FBLIM1: variants seen among roughly 807,000 people sequenced by gnomAD.
FBLIM1 encodes filamin-binding LIM protein 1.
A neutral mutation model predicts 37.4 loss-of-function variants in FBLIM1; 29 were observed. The observed-to-expected ratio is 0.77, with a 90% CI of 0.58 to 1.06. The LOEUF (loss-of-function observed/expected upper bound fraction) is 1.06. Among genes scored for constraint, FBLIM1 ranks in the 50% least tolerant of loss-of-function variants. FBLIM1 has a pLI of 0.00. For missense variants in FBLIM1, 449 were observed against 505.6 expected, an observed-to-expected ratio of 0.89 and a Z score of 1.07; for synonymous variants, 193 against 199.0, an observed-to-expected ratio of 0.97 and a Z score of 0.25.
Position 15,777,168 on chromosome 1 carries a change from A to G in FBLIM1, c.891-2A>G, listed in dbSNP as rs752856125. On this transcript the variant is annotated splice_acceptor_variant, in intron 7 of 8. Coordinates refer to ENST00000375766, the MANE Select transcript of FBLIM1 (RefSeq NM_017556.4). LOFTEE classifies it high-confidence loss of function. ...CCCAAGCATGGGTTCCTTTGCTTCT[A>G]GGAAATTCGCCCCCGTCTGCAGCAT... is the stretch of plus-strand genomic sequence containing the variant. 1 of 1,597,634 alleles carries G rather than the reference A, an allele frequency of 6.3e-7. No individual in the cohort carries two copies. The highest frequency in any genetic ancestry group is 8.6e-7 in the Non-Finnish European group (1 of 1,167,830).
At position 15,786,419 on chromosome 1, in the gene FBLIM1, T is replaced by C. The variant is rs951045893; in HGVS notation, c.*1758T>C. ...TCACAGACCACCTCCACAATTGTTA[T>C]AACCAAAGGCCTCCTGTTCTGTTAT... is the stretch of plus-strand genomic sequence containing the variant. On this transcript the variant is annotated 3_prime_UTR_variant, in exon 9 of 9. Coordinates refer to ENST00000375766, the MANE Select transcript of FBLIM1 (RefSeq NM_017556.4). 3 of 152,250 alleles carry C rather than the reference T, an allele frequency of 2.0e-5. No individual in the cohort carries two copies. The highest frequency in any genetic ancestry group is 3.8e-4 in the East Asian group (2 of 5,202). 9.4% of individuals were successfully genotyped at this position (152,250 alleles called of 1,614,324 possible).
intron 8 of FBLIM1, among the ~76,000 whole-genome samples, chr1:15,783,565 C>T (rs1275466348): frequency 2.1e-5 from 3 of 140,306 alleles, no homozygotes; most frequent in East Asian, 4.1e-4. Context: ...GTAGAACTTA[C>T]GTTCTTTTTT....
intron 8 of FBLIM1, among the ~76,000 whole-genome samples, chr1:15,782,138 G>A (rs1367811257): frequency 6.6e-6 from 1 of 152,016 alleles, no homozygotes; most frequent in African/African-American, 2.4e-5. Context: ...CTGGTGGGGT[G>A]TGGTGGCTCA....
chr1:15,773,919 G>T (rs1194453814), intron 6 of FBLIM1, among the ~76,000 whole-genome samples: 3 of 152,050 alleles, frequency 2.0e-5, no homozygotes. Context: ...AACGTGGGTT[G>T]ATCACTTGAG....
intron 2 of FBLIM1, 73 bp downstream of exon 2, chr1:15,764,758 C>T: frequency 1.6e-6 from 1 of 626,096 alleles, no homozygotes; most frequent in Non-Finnish European, 2.7e-6. Context: ...GGGTCTCACC[C>T]CTGTGGCCAA....
intron 1 of FBLIM1, among the ~76,000 whole-genome samples, chr1:15,760,939 T>C (rs1037706696): frequency 6.6e-6 from 1 of 152,096 alleles, no homozygotes; most frequent in African/African-American, 2.4e-5. Flanking sequence ...GGGCTCCCTC[T>C]CCCGATGGGA....
intron 8 of FBLIM1, among the ~76,000 whole-genome samples, chr1:15,782,630 G>A (rs2069672004): frequency 6.6e-6 from 1 of 152,010 alleles, no homozygotes; most frequent in Non-Finnish European, 1.5e-5. Context: ...CCAAACAGGT[G>A]GCACAGATGG....
intron 4 of FBLIM1, 55 bp from the exon 5 acceptor site, chr1:15,768,473 G>A: frequency 8.0e-7 from 1 of 1,252,818 alleles, no homozygotes; most frequent in African/African-American, 1.5e-5. Flanking sequence ...GAGGAACAGA[G>A]CTGGGAGGGC....
chr1:15,783,079 C>T (rs570414225), intron 8 of FBLIM1, among the ~76,000 whole-genome samples: 5 of 152,132 alleles, frequency 3.3e-5, no homozygotes, highest in Non-Finnish European at 7.4e-5. Context: ...CAGGCGTGAG[C>T]CACTGCGCCT....
chr1:15,767,576 C>G lies in FBLIM1; in HGVS notation c.438+13C>G. ...GCCCCCACCACAGGTACTGCCTGCC[C>G]CCCGACCCCCAGCAATCCCTTGGTC... On this transcript the variant is annotated intron_variant, in intron 4 of 8. Transcript: ENST00000375766. 1 of 977,124 alleles carries G rather than the reference C, an allele frequency of 1.0e-6. No homozygotes were observed. The highest frequency in any genetic ancestry group is 1.8e-5 in the South Asian group (1 of 55,064). The allele number at this position is 977,124 out of a possible 1,614,324, so 60.5% of individuals were successfully genotyped here.
At chr1:15,776,640 G>A (rs1296563111) in intron 7 of FBLIM1, among the ~76,000 whole-genome samples, 3 of 152,082 alleles carry the variant, frequency 2.0e-5, no homozygotes, top group East Asian at 1.9e-4. Flanking sequence ...CAAGGTGGGC[G>A]GATCACGAGG....
chr1:15,769,747 C>T (rs1236220609), intron 5 of FBLIM1, among the ~76,000 whole-genome samples: 1 of 151,878 alleles, frequency 6.6e-6, no homozygotes, highest in Non-Finnish European at 1.5e-5. Flanking sequence ...AGCGAGTCTC[C>T]TGCCTCAGTC....
intron 1 of FBLIM1, among the ~76,000 whole-genome samples, chr1:15,763,807 T>C (rs889053058): frequency 1.2e-4 from 18 of 151,640 alleles, no homozygotes; most frequent in Non-Finnish European, 2.1e-4. Context: ...GCATGGCTAA[T>C]TTTTGTATTT....
At chr1:15,779,082 C>T (rs1251949665) in intron 8 of FBLIM1, among the ~76,000 whole-genome samples, 1 of 151,160 alleles carries the variant, frequency 6.6e-6, no homozygotes. Context: ...ATTACAGGTG[C>T]GTGCCACCAC....
At chr1:15,757,365 G>A (rs148580787), upstream of FBLIM1, among the ~76,000 whole-genome samples, 302 of 152,300 alleles carry the variant, frequency 2.0e-3, no homozygotes, top group African/African-American at 7.0e-3. The surrounding 1 kb of genome is among the most constrained non-coding windows in gnomAD (Gnocchi z 4.1). Context: ...GTCCTTGACC[G>A]TGAACAGGAA....
At chr1:15,764,201 G>C (rs2068809742) in intron 1 of FBLIM1, among the ~76,000 whole-genome samples, 1 of 152,194 alleles carries the variant, frequency 6.6e-6, no homozygotes, top group African/African-American at 2.4e-5. Flanking sequence ...ATGGGCTCTG[G>C]GTTCCAGTGC....
intron 5 of FBLIM1, among the ~76,000 whole-genome samples, chr1:15,768,944 A>G (rs2069064845): frequency 6.6e-6 from 1 of 152,270 alleles, no homozygotes; most frequent in Middle Eastern, 3.4e-3. Flanking sequence ...ATGAGTGGGG[A>G]CACAGTGAGA....
intron 1 of FBLIM1, among the ~76,000 whole-genome samples, chr1:15,761,899 C>G (rs2068688426): frequency 6.6e-6 from 1 of 152,092 alleles, no homozygotes; most frequent in South Asian, 2.1e-4. Flanking sequence ...ATTTTTAGCC[C>G]TGGGCACAGG....
At chr1:15,779,102 A>G (rs1416486344) in intron 8 of FBLIM1, among the ~76,000 whole-genome samples, 1 of 146,910 alleles carries the variant, frequency 6.8e-6, no homozygotes, top group East Asian at 2.0e-4. Flanking sequence ...CGCCCGGCTA[A>G]TTTTTGTATT....
Sources: gnomAD v4.1 joint callset for allele counts (sites outside exome capture counted in the v4.1 genomes callset) on GRCh38, gnomAD v4.1.1 for gene constraint, Gnocchi (gnomAD v3.1) non-coding constraint, MANE v1.5 for transcripts, NCBI Gene and HGNC (gene_info 2026-07-23, HGNC 2026-07-21) for gene names.